Variants in ANXA3 observed in about 807,000 individuals in gnomAD.
ANXA3 encodes annexin A3.
Under a neutral mutation model 48.8 loss-of-function variants are expected in ANXA3, and 46 were observed. The ratio of observed to expected loss-of-function variants is 0.94; its 90% confidence interval spans 0.74 to 1.21. The LOEUF is 1.21. Ranked by LOEUF, ANXA3 falls within the 50% of genes most tolerant of loss-of-function variation. ANXA3 has a pLI of 0.00. For synonymous variants in ANXA3, 128 were observed against 134.7 expected (o/e 0.95, Z 0.35); for missense variants, 383 against 378.6 (o/e 1.01, Z -0.10).
chr4:78,562,719 A>G (rs1722650540), intron 2 of ANXA3, among the ~76,000 whole-genome samples: 1 of 152,258 alleles, frequency 6.6e-6, no homozygotes, highest in Non-Finnish European at 1.5e-5. Context: ...AAATAAATGT[A>G]CAGTATAAAA....
intron 2 of ANXA3, among the ~76,000 whole-genome samples, chr4:78,558,095 G>C (rs957821326): frequency 3.3e-5 from 5 of 152,170 alleles, no homozygotes; most frequent in African/African-American, 4.8e-5. Flanking sequence ...CTACTATGTG[G>C]GTGAGCCTTG....
In ANXA3 at chr4:78,573,171, T is replaced by A; in HGVS notation, c.16-9T>A. The stretch of plus-strand genomic sequence containing the variant: ...TGAACCAATGGGACTTTCAAGTATT[T>A]CCTTCTAGGTTGGACACCGAGGAAC... On this transcript the variant is annotated splice_polypyrimidine_tract_variant and intron_variant, in intron 2 of 12. Transcript: ENST00000264908. The A allele has an allele frequency of 6.3e-7, 1 of 1,599,726 alleles. No homozygotes were observed. The highest frequency in any genetic ancestry group is 1.1e-5 in the South Asian group (1 of 90,738).
chr4:78,569,940 C>T (rs1365615799), intron 2 of ANXA3, among the ~76,000 whole-genome samples: 2 of 152,166 alleles, frequency 1.3e-5, no homozygotes, highest in Non-Finnish European at 2.9e-5. Context: ...CTCATGAAGG[C>T]TCTTGTAAGA....
At chr4:78,586,227 G>T in intron 5 of ANXA3, 33 bp from the exon 6 acceptor site, 3 of 1,558,872 alleles carry the variant, frequency 1.9e-6, no homozygotes, top group Non-Finnish European at 1.8e-6. Context: ...TTATTTAAGT[G>T]TTCTAAAAAT....
At chr4:78,591,378 A>C (rs1373340619) in intron 6 of ANXA3, among the ~76,000 whole-genome samples, 166 bp from the exon 7 acceptor site, 5 of 152,254 alleles carry the variant, frequency 3.3e-5, no homozygotes, top group Non-Finnish European at 7.3e-5. Context: ...TTACAAGAAG[A>C]ATGTACCATC....
chr4:78,593,113 C>CCGCACA (rs71661180), intron 7 of ANXA3, among the ~76,000 whole-genome samples: 6 of 143,934 alleles, frequency 4.2e-5, no homozygotes, highest in Non-Finnish European at 7.6e-5. Flanking sequence ...AACACACATA[C>CCGCACA]CACACACACA....
intron 2 of ANXA3, among the ~76,000 whole-genome samples, chr4:78,557,146 T>C (rs922840779): frequency 5.3e-5 from 8 of 152,222 alleles, no homozygotes; most frequent in Admixed American, 5.2e-4. Context: ...GAGTTCTTAG[T>C]GCTTGCTGGC....
At chr4:78,585,865 A>G (rs1723164582) in intron 5 of ANXA3, among the ~76,000 whole-genome samples, 1 of 152,236 alleles carries the variant, frequency 6.6e-6, no homozygotes, top group African/African-American at 2.4e-5. Flanking sequence ...ATACATGCTG[A>G]TAGACCCAGT....
chr4:78,601,213 C>T (rs146945574), intron 10 of ANXA3, among the ~76,000 whole-genome samples: 5 of 152,216 alleles, frequency 3.3e-5, no homozygotes, highest in Non-Finnish European at 7.4e-5. Flanking sequence ...CGTAGGTGTT[C>T]GGGGTGTCTG....
chr4:78,577,968 T>A lies in ANXA3; in HGVS notation c.104-1059T>A, dbSNP rs115577754. Among the ~76,000 whole-genome samples the A allele has an allele frequency of 7.5e-3, 1,144 of 152,174 alleles. 15 individuals are homozygous for A. Among genetic ancestry groups the A allele is most frequent in the African/African-American group, 0.027 (1,105 of 41,490 alleles). On this transcript the variant is annotated intron_variant, in intron 3 of 12. Coordinates refer to ENST00000264908, the MANE Select transcript of ANXA3 (RefSeq NM_005139.3). ...ACCTTTTGCTTACAAACAATTCATTTTGTATATGGGTTTGAAATTTATGAG... is the reference window on the plus strand; with the variant it reads ...ACCTTTTGCTTACAAACAATTCATTATGTATATGGGTTTGAAATTTATGAG...
chr4:78,595,326 G>A lies in ANXA3; in HGVS notation c.484-55G>A, dbSNP rs924839074. 6.3e-6 allele frequency: 10 copies of A among 1,579,130 alleles called. No homozygotes were observed. The African/African-American group carries it at 1.2e-4, about 19-fold the overall frequency. ...GATCCCCTGCTGGTTGAAGTACTAT[G>A]TGTTAGAATCTTCTATCTTTAAAGG... On this transcript the variant is annotated intron_variant, in intron 7 of 12. Transcript: ENST00000264908.
At chr4:78,554,410 A>G in intron 1 of ANXA3, 26 bp from the exon 2 acceptor site, 2 of 1,437,004 alleles carry the variant, frequency 1.4e-6, no homozygotes, top group Non-Finnish European at 9.8e-7. Context: ...TATTGATACC[A>G]TTTACTAATT....
chr4:78,578,419 A>G (rs1242981958), intron 3 of ANXA3, among the ~76,000 whole-genome samples: 1 of 151,210 alleles, frequency 6.6e-6, no homozygotes, highest in Non-Finnish European at 1.5e-5. Flanking sequence ...GAAGAAATGC[A>G]TGAGAGAGAT....
At chr4:78,565,708 T>C (rs1233145548) in intron 2 of ANXA3, among the ~76,000 whole-genome samples, 1 of 152,216 alleles carries the variant, frequency 6.6e-6, no homozygotes, top group Non-Finnish European at 1.5e-5. Flanking sequence ...TGGACCCTCT[T>C]TTTTCTCCTC....
intron 2 of ANXA3, among the ~76,000 whole-genome samples, chr4:78,568,305 G>C (rs953626727): frequency 1.1e-4 from 17 of 152,280 alleles, no homozygotes; most frequent in African/African-American, 3.9e-4. Context: ...AAGTTTGATT[G>C]CTTTATTTTT....
At chr4:78,561,990 T>G (rs1161539633) in intron 2 of ANXA3, among the ~76,000 whole-genome samples, 1 of 152,238 alleles carries the variant, frequency 6.6e-6, no homozygotes, top group Non-Finnish European at 1.5e-5. Flanking sequence ...ACTAAAAAGC[T>G]GTTCTTTGCC....
At chr4:78,607,889 T>C (rs748533371) in intron 12 of ANXA3, among the ~76,000 whole-genome samples, 129 of 152,144 alleles carry the variant, frequency 8.5e-4, no homozygotes, top group Non-Finnish European at 1.4e-3. Context: ...CCCAGATCAA[T>C]AGGGTCTTAA....
At chr4:78,574,188 G>A (rs1462486332) in intron 3 of ANXA3, among the ~76,000 whole-genome samples, 2 of 152,166 alleles carry the variant, frequency 1.3e-5, no homozygotes, top group African/African-American at 2.4e-5. Context: ...GGAGGGGGAG[G>A]CAGGAGGATC....
chr4:78,553,357 A>G (rs1722440041), intron 1 of ANXA3, among the ~76,000 whole-genome samples: 1 of 152,128 alleles, frequency 6.6e-6, no homozygotes, highest in African/African-American at 2.4e-5. Context: ...TTAAATATCT[A>G]CCGTGCACCA....
Sources: allele counts gnomAD v4.1 joint callset (sites outside exome capture counted in the v4.1 genomes callset), GRCh38; gene constraint gnomAD v4.1.1; transcripts MANE v1.5; gene names NCBI Gene and HGNC (gene_info 2026-07-23, HGNC 2026-07-21).